NIPAL3: variants seen among roughly 807,000 people sequenced by gnomAD.
The protein encoded by NIPAL3 is NIPA like domain containing 3.
In NIPAL3, 41 loss-of-function variants were observed where a neutral mutation model predicts 47.2. The ratio of observed to expected loss-of-function variants is 0.87; its 90% CI spans 0.68 to 1.13. The LOEUF (loss-of-function observed/expected upper bound fraction) is 1.13, where lower values mean the gene tolerates loss of function less well. NIPAL3 is among the 50% of genes most tolerant of loss of function. The probability of loss-of-function intolerance (pLI) is 0.00; values close to 1 mark genes in which losing one functional copy is unlikely to be tolerated. For missense variants in NIPAL3, 449 were observed against 530.1 expected (o/e 0.85, Z 1.50); for synonymous variants, 194 against 209.6 (o/e 0.93, Z 0.64).
chr1:24,433,229 C>T (rs1405299856), intron 2 of NIPAL3: 2 of 152,244 alleles, frequency 1.3e-5, no homozygotes, highest in Non-Finnish European at 2.9e-5. Flanking sequence ...GTCTGCCTGA[C>T]TCTAGAACCT....
chr1:24,461,015 T>C (rs1646445140), intron 10 of NIPAL3, among the ~76,000 whole-genome samples: 2 of 152,228 alleles, frequency 1.3e-5, no homozygotes, highest in South Asian at 4.1e-4. Flanking sequence ...TAATCATTTA[T>C]CTTGGAAAAA....
Position 24,469,197 on chromosome 1 carries a change from C to G in NIPAL3, c.*12C>G. Reference sequence around the variant, plus strand: ...CCAAGAAGGAATGAGACTCGCCTCCCTCTATTTATAACTGTCCCCTCCAGG... The same window carrying G: ...CCAAGAAGGAATGAGACTCGCCTCCGTCTATTTATAACTGTCCCCTCCAGG... On this transcript the variant is annotated 3_prime_UTR_variant, in exon 12 of 12. Transcript: ENST00000374399. The G allele has an allele frequency of 6.2e-7, 1 of 1,610,622 alleles. No individual in the cohort carries two copies. The highest frequency in any genetic ancestry group is 1.1e-5 in the South Asian group (1 of 90,960).
In NIPAL3 at chr1:24,454,679, A is replaced by G. The variant is rs1646113568; in HGVS notation, c.637+1175A>G. 1 of 540,930 alleles carries G rather than the reference A, an allele frequency of 1.8e-6. No homozygotes were observed. The highest frequency in any genetic ancestry group is 2.4e-6 in the Non-Finnish European group (1 of 424,278). 33.5% of individuals were successfully genotyped at this position (540,930 alleles called of 1,614,324 possible). On this transcript the variant is annotated intron_variant, in intron 7 of 11. Transcript: ENST00000374399. The surrounding 1 kb of genome is among the most constrained non-coding windows in gnomAD (Gnocchi z 4.1). ...TAATCTAATTTTAGAACATTTTGTC[A>G]CCCCCAAAAGAAACCCTGTGCCCAT...
At chr1:24,465,785 T>C (rs1570392214) in intron 11 of NIPAL3, 1 of 470,776 alleles carries the variant, frequency 2.1e-6, no homozygotes, top group Non-Finnish European at 3.5e-6. Context: ...TGTAAAGGCC[T>C]CTTGCACGGT....
intron 8 of NIPAL3, among the ~76,000 whole-genome samples, chr1:24,458,089 CTCAGGCAT>C (rs1646305653): frequency 2.0e-5 from 3 of 152,172 alleles, no homozygotes; most frequent in Admixed American, 2.0e-4. Context: ...ACTCACTGCC[CTCAGGCAT>C]TCACGGCCCT....
chr1:24,416,456 G>A lies in NIPAL3; in HGVS notation c.-258+552G>A. 1.9e-6 allele frequency: 1 copy of A among 520,478 alleles called. No homozygotes were observed. Among genetic ancestry groups the A allele is most frequent in the Non-Finnish European group, 2.5e-6 (1 of 404,776 alleles). 32.2% of individuals were successfully genotyped at this position (520,478 alleles called of 1,614,324 possible). A position where few individuals can be genotyped will look rare whatever the true frequency, so the allele number is the denominator to read the frequency against. On this transcript the variant is annotated intron_variant, in intron 1 of 11. Transcript: ENST00000374399. This position sits in a 1 kb window ranked among gnomAD's most constrained non-coding sequence, Gnocchi z 4.8. The stretch of plus-strand genomic sequence containing the variant: ...CGTGTTTTATTGATTTGTTCAGAAA[G>A]AGGCAAATTCGAATACAGACGCTAT...
chr1:24,464,198 A>G (rs541794723), intron 11 of NIPAL3, 78 bp downstream of exon 11: 2 of 1,088,938 alleles, frequency 1.8e-6, no homozygotes, highest in African/African-American at 1.6e-5. Context: ...AGAGACAACC[A>G]ACTGCTGTGC....
intron 3 of NIPAL3, among the ~76,000 whole-genome samples, chr1:24,441,754 C>G (rs547715121): frequency 6.6e-6 from 1 of 152,326 alleles, no homozygotes; most frequent in African/African-American, 2.4e-5. Context: ...TTAGAAATGC[C>G]TGTTTTCAGG....
chr1:24,453,301 T>C (rs758771219), intron 6 of NIPAL3, 107 bp from the exon 7 acceptor site: 5 of 714,764 alleles, frequency 7.0e-6, no homozygotes, highest in Admixed American at 2.4e-5. Flanking sequence ...AGCTCAGTCA[T>C]TCCCTTTCAA....
intron 11 of NIPAL3, among the ~76,000 whole-genome samples, chr1:24,467,758 G>A (rs763437440): frequency 6.6e-6 from 1 of 152,162 alleles, no homozygotes; most frequent in Non-Finnish European, 1.5e-5. Flanking sequence ...GTCAGGTGTT[G>A]TAGCTCACAC....
chr1:24,460,375 A>G lies in NIPAL3; in HGVS notation c.863-106A>G, dbSNP rs1165064589. On this transcript the variant is annotated intron_variant, in intron 9 of 11. Coordinates refer to ENST00000374399, the MANE Select transcript of NIPAL3 (RefSeq NM_020448.5). The stretch of plus-strand genomic sequence containing the variant: ...TAAGGCACAGTCATAAGTTTTGATC[A>G]TTTTAGTTTCCTAAATGGAAGAGAG... The G allele has an allele frequency of 8.1e-6, 7 of 865,198 alleles. No individual in the cohort carries two copies. In the East Asian group the frequency reaches 2.0e-4, roughly 25 times the overall value. 53.6% of individuals were successfully genotyped at this position (865,198 alleles called of 1,614,324 possible).
chr1:24,463,802 G>A (rs1356031115), intron 10 of NIPAL3, among the ~76,000 whole-genome samples: 1 of 152,170 alleles, frequency 6.6e-6, no homozygotes. Context: ...AGCTCATGGA[G>A]AGTGTAGGGC....
chr1:24,446,069 CGTGTGTGTGTGTGTGTGTGTGTGT>C lies in NIPAL3; in HGVS notation c.394+840_394+863del, dbSNP rs58016013. Among the ~76,000 whole-genome samples, 76 of 147,838 alleles carry C rather than the reference CGTGTGTGTGTGTGTGTGTGTGTGT, an allele frequency of 5.1e-4. No individual in the cohort carries two copies. In the Middle Eastern group the frequency reaches 0.014, roughly 27 times the overall value. Reference sequence around the variant, plus strand: ...GGCTTCTGCTCACAGAGATTATAGTCGTGTGTGTGTGTGTGTGTGTGTGTGTGTGTGTGTGTGTTGTGGGAGGGG... The same window carrying C: ...GGCTTCTGCTCACAGAGATTATAGTCGTGTGTGTGTGTGTTGTGGGAGGGG... On this transcript the variant is annotated intron_variant, in intron 5 of 11. Transcript: ENST00000374399.
At chr1:24,443,942 T>C (rs1645524533) in intron 4 of NIPAL3, among the ~76,000 whole-genome samples, 1 of 152,108 alleles carries the variant, frequency 6.6e-6, no homozygotes, top group Non-Finnish European at 1.5e-5. Context: ...TTTTTCACAA[T>C]GAGAAATAAG....
chr1:24,463,909 C>T (rs1214177711), intron 10 of NIPAL3, 117 bp from the exon 11 acceptor site: 21 of 757,838 alleles, frequency 2.8e-5, no homozygotes. Context: ...GGGCGGTGAG[C>T]CCTCCTCCGC....
intron 5 of NIPAL3, among the ~76,000 whole-genome samples, chr1:24,448,738 A>G (rs1645789787): frequency 6.6e-6 from 1 of 152,150 alleles, no homozygotes; most frequent in South Asian, 2.1e-4. Context: ...CCACTGGGGA[A>G]AAACATTTGA....
chr1:24,454,316 T>G lies in NIPAL3; in HGVS notation c.637+812T>G. On this transcript the variant is annotated intron_variant, in intron 7 of 11. Transcript: ENST00000374399. This position sits in a 1 kb window ranked among gnomAD's most constrained non-coding sequence, Gnocchi z 4.1. Reference sequence around the variant, plus strand: ...GGTGAAGCCTGCTACCGCGCTGCTCTTGAGTGGCCTCAGGCTAATGACCCT... The same window carrying G: ...GGTGAAGCCTGCTACCGCGCTGCTCGTGAGTGGCCTCAGGCTAATGACCCT... The G allele has an allele frequency of 8.8e-7, 1 of 1,130,990 alleles. No homozygotes were observed. The highest frequency in any genetic ancestry group is 1.1e-6 in the Non-Finnish European group (1 of 914,114). The allele number at this position is 1,130,990 out of a possible 1,614,324, so 70.1% of individuals were successfully genotyped here.
chr1:24,431,728 G>A (rs986472579), intron 2 of NIPAL3, among the ~76,000 whole-genome samples: 2 of 151,832 alleles, frequency 1.3e-5, no homozygotes, highest in African/African-American at 2.4e-5. Flanking sequence ...TCAGTTCCCC[G>A]ATCCCATTTT....
chr1:24,464,325 TTCTGTG>T (rs1646609509), intron 11 of NIPAL3: 1 of 381,278 alleles, frequency 2.6e-6, no homozygotes, highest in African/African-American at 2.1e-5. Context: ...ATCTTGCCAG[TTCTGTG>T]TCTATTTGGG....
Sources: allele counts gnomAD v4.1 joint callset (sites outside exome capture counted in the v4.1 genomes callset), GRCh38; gene constraint gnomAD v4.1.1; non-coding constraint Gnocchi (gnomAD v3.1); transcripts MANE v1.5; gene names NCBI Gene and HGNC (gene_info 2026-07-23, HGNC 2026-07-21).